EYS: variants seen among roughly 807,000 people sequenced by gnomAD.
The protein encoded by EYS is protein eyes shut homolog.
Under a neutral mutation model 282.1 loss-of-function variants are expected in EYS, and 250 were observed. That is an observed-to-expected ratio of 0.89 (90% CI 0.80 to 0.98). The LOEUF is 0.98. EYS is among the 50% of genes least tolerant of loss of function. The pLI, the probability that EYS is intolerant of heterozygous loss-of-function variation, is 0.00. For missense variants in EYS, 4,016 were observed against 3,709.0 expected (o/e 1.08, Z -2.15); for synonymous variants, 1,355 against 1,282.9 (o/e 1.06, Z -1.20).
At chr6:64,523,294 T>C (rs1777815839) in intron 26 of EYS, among the ~76,000 whole-genome samples, 1 of 151,824 alleles carries the variant, frequency 6.6e-6, no homozygotes, top group African/African-American at 2.4e-5. Flanking sequence ...TTATGTCGCC[T>C]TTCTTCTTCA....
At chr6:65,470,409 T>G (rs1765165549) in intron 5 of EYS, among the ~76,000 whole-genome samples, 1 of 152,146 alleles carries the variant, frequency 6.6e-6, no homozygotes, top group Admixed American at 6.6e-5. Context: ...AACTTATTAT[T>G]ATTTTTAATT....
chr6:64,468,914 T>C (rs1379308708), intron 26 of EYS, among the ~76,000 whole-genome samples: 1 of 152,210 alleles, frequency 6.6e-6, no homozygotes, highest in Non-Finnish European at 1.5e-5. Flanking sequence ...TGATGGGCAT[T>C]TACATTTATT....
At chr6:64,244,438 C>T (rs1053731846) in intron 30 of EYS, among the ~76,000 whole-genome samples, 3 of 152,076 alleles carry the variant, frequency 2.0e-5, no homozygotes, top group Non-Finnish European at 4.4e-5. Flanking sequence ...AAGAAGTTCC[C>T]TTTGTCTTTG....
At chr6:65,585,890 T>C (rs1472856137) in intron 2 of EYS, among the ~76,000 whole-genome samples, 1 of 152,044 alleles carries the variant, frequency 6.6e-6, no homozygotes, top group Non-Finnish European at 1.5e-5. Context: ...AATTTGCCTG[T>C]TACTAAAATA....
At position 63,968,765 on chromosome 6, in the gene EYS, G is replaced by A. The variant is rs992376745; in HGVS notation, c.7055+15618C>T. On this transcript the variant is annotated intron_variant, in intron 35 of 42. Coordinates refer to ENST00000503581, the MANE Select transcript of EYS (RefSeq NM_001142800.2). ...ATCTCCCCCAGACAGGCTCAAAAGG[G>A]TTGATGATGTTCACCACTATTAAGT... is the stretch of plus-strand genomic sequence containing the variant. 2.6e-5 allele frequency among the ~76,000 whole-genome samples: 4 copies of A among 152,112 alleles called. No individual in the cohort carries two copies. In the East Asian group the frequency reaches 5.8e-4, roughly 22 times the overall value.
chr6:65,492,336 C>G (rs73743912), intron 4 of EYS, among the ~76,000 whole-genome samples: 2,550 of 116,904 alleles, frequency 0.022, 69 homozygotes, highest in African/African-American at 0.072. Context: ...AAGAAAGAAA[C>G]AAACAAACAA....
intron 30 of EYS, among the ~76,000 whole-genome samples, chr6:64,283,717 G>C (rs1003035385): frequency 6.6e-6 from 1 of 152,120 alleles, no homozygotes; most frequent in African/African-American, 2.4e-5. Context: ...GGAAGAGAAG[G>C]AGGTTTTATT....
intron 29 of EYS, among the ~76,000 whole-genome samples, chr6:64,343,975 G>T (rs989682168): frequency 1.3e-5 from 2 of 151,852 alleles, no homozygotes; most frequent in Admixed American, 1.3e-4. Flanking sequence ...ATAAATTCCT[G>T]GACACATACA....
At chr6:64,957,250 A>T (rs956801062) in intron 14 of EYS, among the ~76,000 whole-genome samples, 1 of 152,190 alleles carries the variant, frequency 6.6e-6, no homozygotes, top group African/African-American at 2.4e-5. Flanking sequence ...CATTGAGAAG[A>T]ATGAGATCCT....
rs186943093 is a variant in EYS, at chr6:65,247,471, C to G, written c.2023+48392G>C. Among the ~76,000 whole-genome samples, 6 of 152,122 alleles carry G rather than the reference C, an allele frequency of 3.9e-5. No homozygotes were observed. The East Asian group carries it at 1.2e-3, about 29-fold the overall frequency. On this transcript the variant is annotated intron_variant, in intron 12 of 42. Transcript: ENST00000503581. ...ATATAAATATTCATTGTTTTGCCTA[C>G]TATTTGTTGCTCTAGCAGAGTGAAA...
intron 31 of EYS, among the ~76,000 whole-genome samples, chr6:64,228,650 G>C (rs1005257320): frequency 6.6e-6 from 1 of 151,922 alleles, no homozygotes; most frequent in African/African-American, 2.4e-5. Flanking sequence ...AAAAACTTAA[G>C]AAGTATAAAA....
intron 11 of EYS, among the ~76,000 whole-genome samples, chr6:65,314,667 C>G (rs947715154): frequency 6.7e-6 from 1 of 149,946 alleles, no homozygotes; most frequent in Non-Finnish European, 1.5e-5. Flanking sequence ...GCAGCTAGCT[C>G]TTCAGAAATC....
intron 35 of EYS, among the ~76,000 whole-genome samples, chr6:63,933,331 T>C (rs1453202697): frequency 3.3e-5 from 5 of 152,130 alleles, no homozygotes; most frequent in Admixed American, 3.3e-4. Flanking sequence ...CTCAGCCCCC[T>C]GAGTAGCTGG....
chr6:65,443,414 C>A (rs111209876), intron 5 of EYS, among the ~76,000 whole-genome samples: 14,502 of 120,278 alleles, frequency 0.12, 2,574 homozygotes, highest in African/African-American at 0.24. Flanking sequence ...ACACATATAG[C>A]CATATATGTA....
intron 41 of EYS, among the ~76,000 whole-genome samples, chr6:63,743,610 G>T (rs1166047776): frequency 6.6e-6 from 1 of 152,146 alleles, no homozygotes; most frequent in Non-Finnish European, 1.5e-5. Context: ...TGAGCTGCAT[G>T]ATATTTGCCA....
chr6:65,616,783 T>TAA lies in EYS; in HGVS notation c.-333+22993_-333+22994dup, dbSNP rs34322899. Reference sequence around the variant, plus strand: ...CCTGGTGACAGAGTGACACTCTGTCTAAAAAAACAAAAAAAAAAAGTAAGC... The same window carrying TAA: ...CCTGGTGACAGAGTGACACTCTGTCTAAAAAAAAACAAAAAAAAAAAGTAAGC... On this transcript the variant is annotated intron_variant, in intron 2 of 42. Coordinates refer to ENST00000503581, the MANE Select transcript of EYS (RefSeq NM_001142800.2). Among the ~76,000 whole-genome samples the TAA allele has an allele frequency of 1.2e-4, 18 of 147,704 alleles. No individual in the cohort carries two copies. In the South Asian group the frequency reaches 1.5e-3, roughly 12 times the overall value.
chr6:65,208,921 C>G (rs1207047951), intron 12 of EYS, among the ~76,000 whole-genome samples: 1 of 151,778 alleles, frequency 6.6e-6, no homozygotes, highest in Non-Finnish European at 1.5e-5. Context: ...AACCTACTCA[C>G]GTGCATCCTG....
intron 2 of EYS, among the ~76,000 whole-genome samples, chr6:65,625,706 T>G (rs1766665819): frequency 6.6e-6 from 1 of 152,240 alleles, no homozygotes; most frequent in African/African-American, 2.4e-5. Flanking sequence ...CACAATTGCT[T>G]ATATGCAAAT....
chr6:65,592,015 C>G (rs1765249841), intron 2 of EYS, among the ~76,000 whole-genome samples: 1 of 151,936 alleles, frequency 6.6e-6, no homozygotes, highest in African/African-American at 2.4e-5. Flanking sequence ...ACTGCAGTAA[C>G]TTATAATCAA....
Sources: gnomAD v4.1 joint callset for allele counts (sites outside exome capture counted in the v4.1 genomes callset) on GRCh38, gnomAD v4.1.1 for gene constraint, MANE v1.5 for transcripts, NCBI Gene and HGNC (gene_info 2026-07-23, HGNC 2026-07-21) for gene names.